The following ROBO1 variants were observed in gnomAD, a reference collection of about 807,000 sequenced individuals.
ROBO1 encodes roundabout homolog 1.
In ROBO1, 149 loss-of-function variants were observed where a neutral mutation model predicts 195.9. The ratio of observed to expected loss-of-function variants is 0.76; its 90% CI spans 0.67 to 0.87. The LOEUF (loss-of-function observed/expected upper bound fraction) is 0.87. Among genes scored for constraint, ROBO1 ranks in the 40% least tolerant of loss-of-function variants. The probability of loss-of-function intolerance (pLI) is 0.00; values close to 1 mark genes in which losing one functional copy is unlikely to be tolerated. For missense variants in ROBO1, 1,933 were observed against 2,068.3 expected, an observed-to-expected ratio of 0.93 and a Z score of 1.27; for synonymous variants, 816 against 733.2, an observed-to-expected ratio of 1.11 and a Z score of -1.82.
At chr3:79,505,326 TAG>T (rs750775714) in intron 2 of ROBO1, among the ~76,000 whole-genome samples, 1 of 151,610 alleles carries the variant, frequency 6.6e-6, no homozygotes, top group African/African-American at 2.4e-5. Flanking sequence ...TGAGGAAGGA[TAG>T]AGAGAGAAAG....
intron 1 of ROBO1, among the ~76,000 whole-genome samples, chr3:79,710,593 T>C (rs1560120791): frequency 6.6e-6 from 1 of 152,154 alleles, no homozygotes; most frequent in Non-Finnish European, 1.5e-5. Flanking sequence ...GTTATGACCC[T>C]GAAGGAAGGT....
At chr3:78,740,304 G>T (rs1366245235) in intron 5 of ROBO1, among the ~76,000 whole-genome samples, 1 of 149,492 alleles carries the variant, frequency 6.7e-6, no homozygotes, top group African/African-American at 2.6e-5. Flanking sequence ...TACATAGCAA[G>T]TTCTTAATAT....
In ROBO1 at chr3:79,557,234, TGA is replaced by T. The variant is rs1942735529; in HGVS notation, c.88+32588_88+32589del. ...ATTTTATCTGCAGATATCAAGTATTTGATCAAGTAATAAATTAAGAAGTAACA... is the reference window on the plus strand; with the variant it reads ...ATTTTATCTGCAGATATCAAGTATTTTCAAGTAATAAATTAAGAAGTAACA... On this transcript the variant is annotated intron_variant, in intron 2 of 30. Coordinates refer to ENST00000464233, the MANE Select transcript of ROBO1 (RefSeq NM_002941.4). Among the ~76,000 whole-genome samples, 4 of 152,190 alleles carry T rather than the reference TGA, an allele frequency of 2.6e-5. No homozygotes were observed. In the South Asian group the frequency reaches 6.2e-4, roughly 24 times the overall value.
chr3:79,339,604 T>C lies in ROBO1; in HGVS notation c.89-214065A>G, dbSNP rs534839029. 1.6e-4 allele frequency among the ~76,000 whole-genome samples: 24 copies of C among 152,310 alleles called. No individual in the cohort carries two copies. In the South Asian group the frequency reaches 4.8e-3, roughly 30 times the overall value. On this transcript the variant is annotated intron_variant, in intron 2 of 30. Coordinates refer to ENST00000464233, the MANE Select transcript of ROBO1 (RefSeq NM_002941.4). The stretch of plus-strand genomic sequence containing the variant: ...TTGCACCCTCCCTGAAGATACTTTG[T>C]AGTTCTCTTTCCTGATTAATTACTT...
intron 1 of ROBO1, among the ~76,000 whole-genome samples, chr3:79,610,917 C>T (rs1239026780): frequency 2.6e-5 from 4 of 152,098 alleles, no homozygotes; most frequent in African/African-American, 9.7e-5. Context: ...GTTCTGACTT[C>T]ATATTCTTTA....
At chr3:78,878,497 A>G (rs1315198371) in intron 4 of ROBO1, among the ~76,000 whole-genome samples, 2 of 148,160 alleles carry the variant, frequency 1.3e-5, no homozygotes, top group Admixed American at 1.4e-4. Context: ...AGGCAGGAGA[A>G]TCGCTTGAAC....
At chr3:78,623,916 T>G (rs902280417) in intron 26 of ROBO1, among the ~76,000 whole-genome samples, 1 of 152,124 alleles carries the variant, frequency 6.6e-6, no homozygotes, top group African/African-American at 2.4e-5. Context: ...GAATCAGAAG[T>G]CATCTACTGA....
At chr3:78,800,331 C>G (rs1282644779) in intron 4 of ROBO1, among the ~76,000 whole-genome samples, 1 of 151,918 alleles carries the variant, frequency 6.6e-6, no homozygotes, top group Non-Finnish European at 1.5e-5. Flanking sequence ...ATTTCTGATC[C>G]CTTATTAAAT....
chr3:79,659,421 T>G (rs1163926628), intron 1 of ROBO1, among the ~76,000 whole-genome samples: 1 of 151,910 alleles, frequency 6.6e-6, no homozygotes, highest in Non-Finnish European at 1.5e-5. Flanking sequence ...AAGTTTAGAG[T>G]CTACTTGTGT....
intron 2 of ROBO1, among the ~76,000 whole-genome samples, chr3:79,271,603 G>C (rs2030564719): frequency 6.6e-6 from 1 of 151,998 alleles, no homozygotes; most frequent in African/African-American, 2.4e-5. Flanking sequence ...GATCTTTCCA[G>C]CTACTGACTG....
chr3:79,137,529 T>G (rs760528988), intron 2 of ROBO1, among the ~76,000 whole-genome samples: 6 of 152,056 alleles, frequency 3.9e-5, no homozygotes, highest in Non-Finnish European at 7.4e-5. Context: ...TCACAAGTAA[T>G]GTTTATATAA....
chr3:78,771,849 G>C (rs1001999174), intron 4 of ROBO1, among the ~76,000 whole-genome samples: 1 of 151,984 alleles, frequency 6.6e-6, no homozygotes, highest in African/African-American at 2.4e-5. Flanking sequence ...ATAGTTTGAT[G>C]TTTTATTTTC....
intron 1 of ROBO1, among the ~76,000 whole-genome samples, chr3:79,691,728 T>A (rs1275304382): frequency 1.3e-5 from 2 of 151,934 alleles, no homozygotes; most frequent in African/African-American, 2.4e-5. Flanking sequence ...AGTTCTTTTT[T>A]AATAACTAGC....
intron 4 of ROBO1, among the ~76,000 whole-genome samples, chr3:78,769,677 G>A (rs1007633433): frequency 3.1e-5 from 4 of 129,326 alleles, no homozygotes; most frequent in African/African-American, 1.2e-4. Flanking sequence ...GTTCCTGTGT[G>A]ATTTATGCTT....
chr3:79,582,278 C>A (rs9840422), intron 2 of ROBO1, among the ~76,000 whole-genome samples: 23,522 of 151,430 alleles, frequency 0.16, 2,282 homozygotes, highest in African/African-American at 0.27. Flanking sequence ...TTTTATGCAA[C>A]CTCTTCTTAT....
chr3:78,935,811 T>A (rs1363921789), intron 4 of ROBO1, among the ~76,000 whole-genome samples: 1 of 152,056 alleles, frequency 6.6e-6, no homozygotes, highest in Non-Finnish European at 1.5e-5. Flanking sequence ...CATTTGTGCA[T>A]AAAAATTGTT....
At chr3:79,467,868 C>G (rs1938053700) in intron 2 of ROBO1, among the ~76,000 whole-genome samples, 1 of 152,166 alleles carries the variant, frequency 6.6e-6, no homozygotes, top group South Asian at 2.1e-4. Flanking sequence ...CCTGCCTGCT[C>G]CCCCTCCTGT....
At chr3:79,400,553 T>G (rs556102905) in intron 2 of ROBO1, among the ~76,000 whole-genome samples, 1 of 152,226 alleles carries the variant, frequency 6.6e-6, no homozygotes, top group South Asian at 2.1e-4. Context: ...TTTTAATTTT[T>G]CTTTTTACGT....
chr3:78,890,853 C>T (rs2036847608), intron 4 of ROBO1, among the ~76,000 whole-genome samples: 1 of 152,012 alleles, frequency 6.6e-6, no homozygotes, highest in Non-Finnish European at 1.5e-5. Flanking sequence ...TCTTGACCTC[C>T]TAGGCTCAAG....
Sources: allele counts gnomAD v4.1 joint callset (sites outside exome capture counted in the v4.1 genomes callset), GRCh38; gene constraint gnomAD v4.1.1; transcripts MANE v1.5; gene names NCBI Gene and HGNC (gene_info 2026-07-23, HGNC 2026-07-21).